CD99L2: variants seen among roughly 807,000 people sequenced by gnomAD.
The protein encoded by CD99L2 is CD99 molecule like 2.
A neutral mutation model predicts 27.3 loss-of-function variants in CD99L2; 24 were observed. That is an observed-to-expected ratio of 0.88 (90% CI 0.64 to 1.24). The LOEUF is 1.24. CD99L2 is among the 50% of genes most tolerant of loss of function. The pLI is 0.00. For missense variants in CD99L2, 255 were observed against 221.6 expected (o/e 1.15, Z -0.96); for synonymous variants, 97 against 87.9 (o/e 1.10, Z -0.58).
chrX:150,787,257 T>G (rs1266464329), intron 7 of CD99L2, among the ~76,000 whole-genome samples: 1 of 112,255 alleles, frequency 8.9e-6, no homozygotes. Context: ...TTGTTGCAAT[T>G]GTTTTTGGTG....
At chrX:150,862,330 T>C (rs1006103140) in intron 1 of CD99L2, among the ~76,000 whole-genome samples, 1 of 111,288 alleles carries the variant, frequency 9.0e-6, no homozygotes, top group African/African-American at 3.3e-5. Flanking sequence ...TTACTCTGGA[T>C]TACCTGGGTG....
At chrX:150,798,541 G>C (rs1193729584) in intron 4 of CD99L2, among the ~76,000 whole-genome samples, 2 of 110,713 alleles carry the variant, frequency 1.8e-5, no homozygotes, top group East Asian at 5.7e-4. Context: ...ACTCAAAATA[G>C]ATAGAAGATT....
At chrX:150,825,564 C>T (rs1305684860) in intron 2 of CD99L2, among the ~76,000 whole-genome samples, 1 of 112,321 alleles carries the variant, frequency 8.9e-6, no homozygotes, top group African/African-American at 3.2e-5. Context: ...AGAGCCCAAG[C>T]TTGTATTGAT....
In CD99L2 at chrX:150,884,834, G is replaced by A. The variant is rs921856073; in HGVS notation, c.67+13688C>T. 4.5e-5 allele frequency among the ~76,000 whole-genome samples: 5 copies of A among 112,284 alleles called. No individual in the cohort carries two copies. In the East Asian group the frequency reaches 1.4e-3, roughly 31 times the overall value. The stretch of plus-strand genomic sequence containing the variant: ...CATCTGCCTAAGAATGCTCCTGGCA[G>A]CACTACTTAAAATGGCCCCAAACTG... On this transcript the variant is annotated intron_variant, in intron 1 of 10. Coordinates refer to ENST00000370377, the MANE Select transcript of CD99L2 (RefSeq NM_031462.4).
intron 1 of CD99L2, among the ~76,000 whole-genome samples, chrX:150,845,288 T>C (rs782362812): frequency 8.9e-6 from 1 of 111,814 alleles, no homozygotes; most frequent in Non-Finnish European, 1.9e-5. Context: ...GAAGACTGAC[T>C]GCTAGAGGCT....
chrX:150,800,092 G>A (rs1417223041), intron 4 of CD99L2, among the ~76,000 whole-genome samples: 7 of 112,381 alleles, frequency 6.2e-5, no homozygotes, highest in African/African-American at 1.9e-4. Flanking sequence ...GATAAACCTG[G>A]AAAACATTAC....
rs1310009430 is a variant in CD99L2 at position 150,766,525 on chromosome X, C to G, written c.*2509G>C. ...CCCCTCTGGGTCCCACCCCAGAAGC[C>G]ACGCACACCTCCTTCCGCCCAGCTT... On this transcript the variant is annotated 3_prime_UTR_variant, in exon 11 of 11. Transcript: ENST00000370377. The G allele has an allele frequency of 9.0e-6, 1 of 111,591 alleles. No individual in the cohort carries two copies. Among genetic ancestry groups the G allele is most frequent in the African/African-American group, 3.3e-5 (1 of 30,605 alleles). The allele number at this position is 111,591 out of a possible 1,213,427, so 9.2% of individuals were successfully genotyped here.
intron 1 of CD99L2, among the ~76,000 whole-genome samples, chrX:150,890,727 G>A (rs1017675661): frequency 5.4e-5 from 6 of 111,184 alleles, no homozygotes; most frequent in Non-Finnish European, 1.1e-4. Flanking sequence ...CGTCCTCAGC[G>A]AAGGGGCAAG....
chrX:150,801,253 C>G (rs1333543786), intron 4 of CD99L2, among the ~76,000 whole-genome samples: 1 of 111,436 alleles, frequency 9.0e-6, no homozygotes, highest in Non-Finnish European at 1.9e-5. Context: ...TTCGTTTTCA[C>G]ACTGATATAA....
At chrX:150,879,473 C>T (rs931996492) in intron 1 of CD99L2, among the ~76,000 whole-genome samples, 1 of 110,889 alleles carries the variant, frequency 9.0e-6, no homozygotes, top group Non-Finnish European at 1.9e-5. Context: ...CCATGAAGTA[C>T]CTGGCAACAG....
intron 1 of CD99L2, among the ~76,000 whole-genome samples, chrX:150,835,140 T>C (rs892351049): frequency 2.6e-4 from 29 of 111,981 alleles, no homozygotes; most frequent in Admixed American, 8.5e-4. Context: ...AAGTTTCAGT[T>C]AGACAGGAGG....
At chrX:150,839,333 T>C (rs1344419110) in intron 1 of CD99L2, among the ~76,000 whole-genome samples, 1 of 111,260 alleles carries the variant, frequency 9.0e-6, no homozygotes, top group Non-Finnish European at 1.9e-5. Context: ...AACAAGAAAG[T>C]AGTGAGAGCC....
intron 1 of CD99L2, among the ~76,000 whole-genome samples, chrX:150,847,990 G>A: frequency 9.1e-6 from 1 of 110,315 alleles, no homozygotes; most frequent in East Asian, 2.9e-4. Flanking sequence ...ACAGCAGGCA[G>A]GGAGTCCTCC....
At chrX:150,857,702 A>T (rs1489069200) in intron 1 of CD99L2, among the ~76,000 whole-genome samples, 2 of 112,127 alleles carry the variant, frequency 1.8e-5, no homozygotes, top group African/African-American at 6.5e-5. Context: ...CACAAATGAG[A>T]AAGACAAAGG....
In CD99L2 at chrX:150,890,801, C is replaced by T. The variant is rs573172607; in HGVS notation, c.67+7721G>A. On this transcript the variant is annotated intron_variant, in intron 1 of 10. Transcript: ENST00000370377. Reference sequence around the variant, plus strand: ...CCCAGGCTGCATCCTGCTTCAAGTGCGGCCATCAGGACTGGAGGAGAAGGG... The same window carrying T: ...CCCAGGCTGCATCCTGCTTCAAGTGTGGCCATCAGGACTGGAGGAGAAGGG... 6.8e-4 allele frequency among the ~76,000 whole-genome samples: 77 copies of T among 113,061 alleles called. No homozygotes were observed. In the South Asian group the frequency reaches 0.011, roughly 17 times the overall value.
chrX:150,768,890 C>T lies in CD99L2; in HGVS notation c.*144G>A. Reference sequence around the variant, plus strand: ...GGCAGAGAAACCAAACTCACAAACACCCAGAGCTCATCCGGGAAACTCAGA... The same window carrying T: ...GGCAGAGAAACCAAACTCACAAACATCCAGAGCTCATCCGGGAAACTCAGA... On this transcript the variant is annotated 3_prime_UTR_variant, in exon 11 of 11. Transcript: ENST00000370377. 9.5e-7 allele frequency: 1 copy of T among 1,055,610 alleles called. No individual in the cohort carries two copies. Among genetic ancestry groups the T allele is most frequent in the Non-Finnish European group, 1.2e-6 (1 of 827,815 alleles). 87.0% of individuals were successfully genotyped at this position (1,055,610 alleles called of 1,213,427 possible).
At chrX:150,823,738 C>T (rs2046274326) in intron 2 of CD99L2, among the ~76,000 whole-genome samples, 1 of 111,344 alleles carries the variant, frequency 9.0e-6, no homozygotes, top group African/African-American at 3.3e-5. Context: ...ACATCAAATG[C>T]CAAGTGGGGC....
chrX:150,824,613 AAGG>A (rs1569566012), intron 2 of CD99L2, among the ~76,000 whole-genome samples: 1 of 86,280 alleles, frequency 1.2e-5, no homozygotes, highest in African/African-American at 4.5e-5. Flanking sequence ...GGAGAAGAAG[AAGG>A]AGAAGAAGGA....
chrX:150,851,654 C>T (rs1252350650), intron 1 of CD99L2, among the ~76,000 whole-genome samples: 4 of 112,200 alleles, frequency 3.6e-5, no homozygotes, highest in Non-Finnish European at 7.5e-5. Context: ...TGGGTTAAAA[C>T]CGGGGCACCA....
Sources: allele counts gnomAD v4.1 joint callset (sites outside exome capture counted in the v4.1 genomes callset), GRCh38; gene constraint gnomAD v4.1.1; transcripts MANE v1.5; gene names NCBI Gene and HGNC (gene_info 2026-07-23, HGNC 2026-07-21).